The following MYO18B variants were observed in gnomAD, a reference collection of about 807,000 sequenced individuals.
The protein encoded by MYO18B is myosin XVIIIB.
Under a neutral mutation model 273.0 loss-of-function variants are expected in MYO18B, and 204 were observed. The observed-to-expected ratio is 0.75, with a 90% confidence interval of 0.67 to 0.84. The LOEUF (loss-of-function observed/expected upper bound fraction) is 0.84. Among genes scored for constraint, MYO18B ranks in the 40% least tolerant of loss-of-function variants. The pLI is 0.00. For missense variants in MYO18B, 3,212 were observed against 3,287.6 expected, an observed-to-expected ratio of 0.98 and a Z score of 0.56; for synonymous variants, 1,330 against 1,305.7, an observed-to-expected ratio of 1.02 and a Z score of -0.40.
At chr22:25,889,407 T>C (rs2091595292) in intron 25 of MYO18B, among the ~76,000 whole-genome samples, 1 of 152,128 alleles carries the variant, frequency 6.6e-6, no homozygotes. Context: ...TCTAACATCT[T>C]CACATGCAAA....
chr22:25,775,517 G>C (rs1000525635), intron 7 of MYO18B, among the ~76,000 whole-genome samples: 1 of 152,080 alleles, frequency 6.6e-6, no homozygotes, highest in Non-Finnish European at 1.5e-5. Flanking sequence ...TTTTCCTTTT[G>C]GTGCCCTCCT....
At chr22:25,789,746 C>G (rs1376035395) in intron 11 of MYO18B, among the ~76,000 whole-genome samples, 1 of 152,142 alleles carries the variant, frequency 6.6e-6, no homozygotes, top group Non-Finnish European at 1.5e-5. Flanking sequence ...AACCAGAAAA[C>G]AAGCGCCATT....
intron 36 of MYO18B, among the ~76,000 whole-genome samples, chr22:25,948,463 T>TTCCTTCCTTCCTTCC (rs1569225382): frequency 8.4e-6 from 1 of 118,450 alleles, no homozygotes; most frequent in African/African-American, 3.4e-5. Context: ...TCCTTCCTTC[T>TTCCTTCCTTCCTTCC]TTCTTTCTTT....
intron 25 of MYO18B, among the ~76,000 whole-genome samples, chr22:25,888,459 G>A (rs2146264916): frequency 6.6e-6 from 1 of 152,180 alleles, no homozygotes; most frequent in Admixed American, 6.5e-5. Flanking sequence ...CCAGGGTCTT[G>A]CTATGTTGCC....
chr22:25,977,285 C>CTGTATTTGTATTTGTATT (rs55633196), intron 39 of MYO18B, among the ~76,000 whole-genome samples: 2,185 of 143,952 alleles, frequency 0.015, 45 homozygotes, highest in African/African-American at 0.031. Context: ...TTTCCAACTC[C>CTGTATTTGTATTTGTATT]TGTATTTGTA....
chr22:25,831,958 T>C (rs2089722497), intron 15 of MYO18B, among the ~76,000 whole-genome samples: 1 of 152,076 alleles, frequency 6.6e-6, no homozygotes, highest in Admixed American at 6.6e-5. Context: ...GAAAAATTAA[T>C]TAAACAGACA....
intron 25 of MYO18B, among the ~76,000 whole-genome samples, chr22:25,881,070 T>G (rs2091319609): frequency 6.6e-6 from 1 of 152,262 alleles, no homozygotes; most frequent in Non-Finnish European, 1.5e-5. Flanking sequence ...TAAATGGATT[T>G]ATGATTAAGC....
At chr22:25,906,172 G>T (rs891157532) in intron 31 of MYO18B, among the ~76,000 whole-genome samples, 2 of 152,038 alleles carry the variant, frequency 1.3e-5, no homozygotes, top group Non-Finnish European at 2.9e-5. Flanking sequence ...ACATCCAGTG[G>T]ATATTTATTG....
the MYO18B span, among the ~76,000 whole-genome samples, chr22:26,051,659 C>T: frequency 6.6e-6 from 1 of 152,136 alleles, no homozygotes; most frequent in Non-Finnish European, 1.5e-5. Flanking sequence ...AAAATGTTTC[C>T]TTCGTACTTC....
chr22:25,862,946 A>G (rs2090781330), intron 21 of MYO18B, among the ~76,000 whole-genome samples: 1 of 151,884 alleles, frequency 6.6e-6, no homozygotes, highest in African/African-American at 2.4e-5. Flanking sequence ...TGTTGTGCAT[A>G]TATTGGCACG....
intron 34 of MYO18B, among the ~76,000 whole-genome samples, chr22:25,925,099 A>G (rs908336496): frequency 2.0e-5 from 3 of 152,172 alleles, no homozygotes; most frequent in Non-Finnish European, 4.4e-5. Flanking sequence ...TACGGGTCCT[A>G]TTAACTTCTA....
At position 25,768,656 on chromosome 22, in the gene MYO18B, C is replaced by A. The variant is rs780457718; in HGVS notation, c.740C>A (p.Thr247Asn). ...GQSIVGKGLGTPKTTELKEAE... is the reference protein window; with the variant it reads ...GQSIVGKGLGNPKTTELKEAE... ...AGCATAGTGGGGAAGGGGCTTGGGA[C>A]CCCCAAGACCACAGAGCTGAAAGAG... is the stretch of plus-strand genomic sequence containing the variant. Residue 247 changes from threonine (T) to asparagine (N), a missense_variant, in exon 4 of 44, where the codon ACC (threonine) becomes AAC (asparagine). By Grantham distance (65) the Thr-to-Asn change is moderately conservative. Coordinates refer to ENST00000335473, the MANE Select transcript of MYO18B (RefSeq NM_032608.7). The A allele has an allele frequency of 1.4e-5, 22 of 1,532,808 alleles. No individual in the cohort carries two copies. Among genetic ancestry groups the A allele is most frequent in the Admixed American group, 6.6e-5 (3 of 45,784 alleles). The allele number at this position is 1,532,808 out of a possible 1,614,324, so 95.0% of individuals were successfully genotyped here.
At chr22:25,805,076 C>A (rs2145797927) in intron 12 of MYO18B, among the ~76,000 whole-genome samples, 1 of 152,266 alleles carries the variant, frequency 6.6e-6, no homozygotes, top group Non-Finnish European at 1.5e-5. Context: ...TCCTCATGTA[C>A]AGGTTCTGAG....
At chr22:25,756,058 T>G (rs1209295900) in intron 1 of MYO18B, among the ~76,000 whole-genome samples, 1 of 152,032 alleles carries the variant, frequency 6.6e-6, no homozygotes, top group Admixed American at 6.5e-5. Flanking sequence ...CCACCACGCC[T>G]AGCTAATTTT....
chr22:25,896,506 A>G (rs2091805148), intron 28 of MYO18B: 1 of 152,218 alleles, frequency 6.6e-6, no homozygotes, highest in African/African-American at 2.4e-5. Context: ...TAATATTAGT[A>G]TGTACCATTA....
chr22:25,966,097 A>G (rs2092974999), intron 39 of MYO18B, among the ~76,000 whole-genome samples: 1 of 152,208 alleles, frequency 6.6e-6, no homozygotes, highest in African/African-American at 2.4e-5. Flanking sequence ...AATTCATGCC[A>G]TGCTTCTAGA....
chr22:25,945,777 GCCTCCCCTCCCCTCC>G (rs1569220074), intron 34 of MYO18B, among the ~76,000 whole-genome samples: 1 of 1,102 alleles, frequency 9.1e-4, no homozygotes, highest in Non-Finnish European at 1.4e-3. Context: ...CCCTCCCCTC[GCCTCCCCTCCCCTCC>G]CCTCCCCTCG....
At chr22:25,828,495 A>G (rs1184791430) in intron 14 of MYO18B, among the ~76,000 whole-genome samples, 1 of 151,222 alleles carries the variant, frequency 6.6e-6, no homozygotes, top group East Asian at 1.9e-4. Flanking sequence ...CTTCTGGGTG[A>G]CCTTAAGCTA....
rs1462623420 is a variant in MYO18B, at chr22:25,847,417, C to G, written c.3553-13C>G. 6.4e-7 allele frequency: 1 copy of G among 1,556,152 alleles called. No homozygotes were observed. Among genetic ancestry groups the G allele is most frequent in the Admixed American group, 1.9e-5 (1 of 51,770 alleles). ...TGAGACAACTGGCCCTGACCTCCCT[C>G]TATTTGGTCTAGGATGCGCTGACCA... is the stretch of plus-strand genomic sequence containing the variant. On this transcript the variant is annotated splice_polypyrimidine_tract_variant and intron_variant, in intron 19 of 43. Transcript: ENST00000335473.
Sources: gnomAD v4.1 joint callset for allele counts (sites outside exome capture counted in the v4.1 genomes callset) on GRCh38, gnomAD v4.1.1 for gene constraint, MANE v1.5 for transcripts, NCBI Gene and HGNC (gene_info 2026-07-23, HGNC 2026-07-21) for gene names.